The following ZNF521 variants were observed in gnomAD, a reference collection of about 807,000 sequenced individuals.
ZNF521 encodes the protein LYST-interacting protein 3.
In ZNF521, 14 loss-of-function variants were observed where a neutral mutation model predicts 105.5. The observed-to-expected ratio is 0.13, with a 90% CI of 0.09 to 0.21. ZNF521 has a LOEUF of 0.21. Ranked by LOEUF, ZNF521 falls within the 10% of genes least tolerant of loss-of-function variation. The pLI is 1.00. For synonymous variants in ZNF521, 635 were observed against 606.0 expected (o/e 1.05, Z -0.70); for missense variants, 1,233 against 1,629.7 (o/e 0.76, Z 4.19).
At chr18:25,131,709 C>T (rs1003367176) in intron 5 of ZNF521, among the ~76,000 whole-genome samples, 10 of 152,204 alleles carry the variant, frequency 6.6e-5, no homozygotes, top group Middle Eastern at 3.4e-3. Context: ...CAGTAAACAT[C>T]GGGAGGTGAA....
intron 2 of ZNF521, among the ~76,000 whole-genome samples, chr18:25,327,193 G>T (rs983293980): frequency 6.6e-6 from 1 of 152,080 alleles, no homozygotes; most frequent in African/African-American, 2.4e-5. Context: ...TTCTTTCAAG[G>T]ATATTGTCTG....
At chr18:25,195,366 C>T (rs1328195786) in intron 4 of ZNF521, 122 bp from the exon 5 acceptor site, 4 of 743,640 alleles carry the variant, frequency 5.4e-6, no homozygotes, top group Non-Finnish European at 8.4e-6. Flanking sequence ...AACTAAACTA[C>T]AGGGCCCCTT....
chr18:25,223,801 G>T (rs1190127112), intron 4 of ZNF521, among the ~76,000 whole-genome samples: 4 of 152,130 alleles, frequency 2.6e-5, no homozygotes, highest in Admixed American at 2.0e-4. Context: ...AAATGTAGGG[G>T]ATTTTTAAAA....
rs1175859497 is a variant in ZNF521, at chr18:25,179,116, C to CTTTTTTTTTT, written c.3658+16034_3658+16043dup. Among the ~76,000 whole-genome samples, 32 of 52,482 alleles carry CTTTTTTTTTT rather than the reference C, an allele frequency of 6.1e-4. 8 individuals carry two copies. Among genetic ancestry groups the CTTTTTTTTTT allele is most frequent in the East Asian group, 1.8e-3 (3 of 1,626 alleles). 34.4% of individuals were successfully genotyped at this position (52,482 alleles called of 152,430 possible). ...GACTTATACTTCTTTTTCTTTATTCCTTTTTTTTTTTTTTTTTTTTTTTTT... is the reference window on the plus strand; with the variant it reads ...GACTTATACTTCTTTTTCTTTATTCCTTTTTTTTTTTTTTTTTTTTTTTTTTTTTTTTTTT... On this transcript the variant is annotated intron_variant, in intron 5 of 7. Coordinates refer to ENST00000361524, the MANE Select transcript of ZNF521 (RefSeq NM_015461.3).
At chr18:25,272,101 A>G (rs1184672141) in intron 3 of ZNF521, among the ~76,000 whole-genome samples, 1 of 152,262 alleles carries the variant, frequency 6.6e-6, no homozygotes, top group Non-Finnish European at 1.5e-5. Context: ...TGGGTGAAGG[A>G]TATGAACAGA....
intron 5 of ZNF521, among the ~76,000 whole-genome samples, chr18:25,142,000 ACTGT>A (rs1465773708): frequency 6.6e-6 from 1 of 152,178 alleles, no homozygotes; most frequent in Non-Finnish European, 1.5e-5. Context: ...GCTGCCAAGA[ACTGT>A]CTTTCTGCTA....
At chr18:25,350,997 T>C (rs1568094779) in intron 1 of ZNF521, 50 bp from the exon 2 acceptor site, 4 of 1,457,122 alleles carry the variant, frequency 2.7e-6, no homozygotes, top group Non-Finnish European at 1.8e-6. Context: ...AAAGAAACTA[T>C]ACTTCCTCGT....
chr18:25,124,001 G>T (rs2034492431), intron 5 of ZNF521, among the ~76,000 whole-genome samples: 1 of 152,068 alleles, frequency 6.6e-6, no homozygotes, highest in Non-Finnish European at 1.5e-5. Context: ...ATACTTGCGG[G>T]ACTGGGAGCC....
At position 25,259,841 on chromosome 18, in the gene ZNF521, C is replaced by T. The variant is rs190416103; in HGVS notation, c.221-32144G>A. Among the ~76,000 whole-genome samples, 160 of 152,230 alleles carry T rather than the reference C, an allele frequency of 1.1e-3. 1 individual carries two copies. The highest frequency in any genetic ancestry group is 3.6e-3 in the African/African-American group (148 of 41,542). ...GTGAAGGCCTCCCAGAGGGAACACC[C>T]CTTAAACTAAAAGGAAGAAGAGGAG... is the stretch of plus-strand genomic sequence containing the variant. On this transcript the variant is annotated intron_variant, in intron 3 of 7. Coordinates refer to ENST00000361524, the MANE Select transcript of ZNF521 (RefSeq NM_015461.3).
rs1906156308 is a variant in ZNF521, at chr18:25,226,621, G to C, written c.1297C>G (p.Pro433Ala). Residue 433 changes from proline to alanine, a missense_variant, in exon 4 of 8, where the codon CCA becomes GCA. By Grantham distance (27) the Pro-to-Ala change is conservative (BLOSUM62 -1). This residue lies in a region of ZNF521 where 380 missense variants were observed against 478.0 expected (regional missense o/e 0.80). Coordinates refer to ENST00000361524, the MANE Select transcript of ZNF521 (RefSeq NM_015461.3). This position sits in a 1 kb window ranked among gnomAD's most constrained non-coding sequence, Gnocchi z 4.1. Reference protein sequence around the residue: ...IHLKTMHLDKPEQAHICQYCL... With the variant: ...IHLKTMHLDKAEQAHICQYCL... ...TACTGACAAATATGGGCCTGTTCTG[G>C]CTTATCTAAGTGCATAGTTTTCAGG... The C allele has an allele frequency of 4.3e-6, 7 of 1,614,166 alleles. No homozygotes were observed. Among genetic ancestry groups the C allele is most frequent in the African/African-American group, 4.0e-5 (3 of 75,046 alleles).
chr18:25,224,136 C>T (rs532869478), intron 4 of ZNF521: 5 of 569,190 alleles, frequency 8.8e-6, no homozygotes, highest in Non-Finnish European at 1.3e-5. Context: ...TGGAATTAGT[C>T]CTATTTTGCA....
intron 2 of ZNF521, among the ~76,000 whole-genome samples, chr18:25,342,715 A>T (rs1914277358): frequency 6.6e-6 from 1 of 152,186 alleles, no homozygotes; most frequent in Non-Finnish European, 1.5e-5. Flanking sequence ...GGCGTGAGCC[A>T]CCGCGCCTGG....
intron 2 of ZNF521, chr18:25,327,762 TGAAG>T: frequency 2.0e-6 from 1 of 504,014 alleles, no homozygotes. Flanking sequence ...CAGACTCTAA[TGAAG>T]GAAGGCAGCA....
chr18:25,082,930 G>C (rs1346143391), intron 7 of ZNF521, among the ~76,000 whole-genome samples: 2 of 151,840 alleles, frequency 1.3e-5, no homozygotes, highest in Non-Finnish European at 2.9e-5. Context: ...GAGAAAACGG[G>C]GATGAGGGTT....
chr18:25,194,473 C>T (rs1358355573), intron 5 of ZNF521, among the ~76,000 whole-genome samples: 1 of 151,470 alleles, frequency 6.6e-6, no homozygotes, highest in African/African-American at 2.4e-5. Context: ...AATAATGGGA[C>T]AATATGAATA....
chr18:25,263,745 G>A (rs1464872737), intron 3 of ZNF521, among the ~76,000 whole-genome samples: 4 of 151,982 alleles, frequency 2.6e-5, no homozygotes, highest in African/African-American at 9.7e-5. Context: ...CCAGTTAATC[G>A]TTTGTATTTT....
intron 5 of ZNF521, among the ~76,000 whole-genome samples, chr18:25,104,238 G>A (rs990210601): frequency 6.6e-5 from 10 of 152,056 alleles, no homozygotes; most frequent in African/African-American, 2.4e-4. Flanking sequence ...TTTAAAAATT[G>A]TATACTATGT....
At chr18:25,150,245 A>C (rs1391505755) in intron 5 of ZNF521, among the ~76,000 whole-genome samples, 1 of 152,184 alleles carries the variant, frequency 6.6e-6, no homozygotes, top group Non-Finnish European at 1.5e-5. Flanking sequence ...ATGCAAAGGC[A>C]TAAGAATGAT....
chr18:25,257,614 G>A (rs1002866132), intron 3 of ZNF521, among the ~76,000 whole-genome samples: 4 of 152,172 alleles, frequency 2.6e-5, no homozygotes, highest in Admixed American at 6.5e-5. Flanking sequence ...CTGCCTGCCA[G>A]TGGCTACACG....
Sources: gnomAD v4.1 joint callset for allele counts (sites outside exome capture counted in the v4.1 genomes callset) on GRCh38, gnomAD v4.1.1 for gene constraint, gnomAD v4.1.1 regional missense constraint, Gnocchi (gnomAD v3.1) non-coding constraint, MANE v1.5 for transcripts, NCBI Gene and HGNC (gene_info 2026-07-23, HGNC 2026-07-21) for gene names.